Variants in GPR137C observed in about 807,000 individuals in gnomAD.
The protein encoded by GPR137C is integral membrane protein GPR137C.
Under a neutral mutation model 43.4 loss-of-function variants are expected in GPR137C, and 27 were observed. The observed-to-expected ratio is 0.62, with a 90% CI of 0.46 to 0.86. The LOEUF is 0.86. Ranked by LOEUF, GPR137C falls within the 40% of genes least tolerant of loss-of-function variation. The pLI is 0.00. For synonymous variants in GPR137C, 285 were observed against 226.9 expected, an observed-to-expected ratio of 1.26 and a Z score of -2.30; for missense variants, 522 against 534.6, an observed-to-expected ratio of 0.98 and a Z score of 0.23.
intron 3 of GPR137C, among the ~76,000 whole-genome samples, chr14:52,616,579 G>A (rs1483282366): frequency 6.6e-6 from 1 of 152,050 alleles, no homozygotes; most frequent in Non-Finnish European, 1.5e-5. Flanking sequence ...CAGGCGTGAG[G>A]CACTGCCCCC....
intron 2 of GPR137C, among the ~76,000 whole-genome samples, chr14:52,599,660 C>A (rs981706040): frequency 1.4e-4 from 21 of 152,142 alleles, no homozygotes; most frequent in Admixed American, 4.6e-4. Context: ...TCTCGAACTC[C>A]TGGCCTCAAG....
intron 2 of GPR137C, among the ~76,000 whole-genome samples, chr14:52,598,635 T>C (rs894139365): frequency 1.3e-5 from 2 of 152,198 alleles, no homozygotes; most frequent in African/African-American, 4.8e-5. Flanking sequence ...AGTTAGATTA[T>C]GCTGTTTGGA....
At chr14:52,597,003 T>C (rs970309864) in intron 1 of GPR137C, 1 of 455,176 alleles carries the variant, frequency 2.2e-6, no homozygotes, top group Non-Finnish European at 4.4e-6. Flanking sequence ...AACAATGCAT[T>C]TCTCAGAACA....
intron 3 of GPR137C, among the ~76,000 whole-genome samples, chr14:52,616,450 C>T (rs979680183): frequency 3.3e-5 from 5 of 152,086 alleles, no homozygotes; most frequent in East Asian, 1.9e-4. Context: ...TGAGCCACCA[C>T]GCCCAGGCTA....
At chr14:52,592,429 G>C (rs1341873323) in intron 1 of GPR137C, among the ~76,000 whole-genome samples, 1 of 152,098 alleles carries the variant, frequency 6.6e-6, no homozygotes, top group Admixed American at 6.6e-5. Context: ...GGCAGTATGG[G>C]CATTTTCATG....
intron 1 of GPR137C, among the ~76,000 whole-genome samples, chr14:52,596,681 G>A (rs539502002): frequency 1.3e-4 from 20 of 152,358 alleles, no homozygotes; most frequent in South Asian, 2.1e-4. Context: ...TGTGGGAAAA[G>A]TGCAGTATTT....
intron 1 of GPR137C, among the ~76,000 whole-genome samples, chr14:52,578,319 T>A (rs1336887139): frequency 3.3e-5 from 5 of 152,202 alleles, no homozygotes; most frequent in Non-Finnish European, 7.3e-5. Context: ...ATGTTAGACC[T>A]TTTAAATGAA....
intron 1 of GPR137C, among the ~76,000 whole-genome samples, chr14:52,580,018 A>T (rs1487200029): frequency 2.0e-5 from 3 of 152,218 alleles, no homozygotes; most frequent in Non-Finnish European, 4.4e-5. Flanking sequence ...TCCAAATGCC[A>T]GCCACAGGCC....
intron 1 of GPR137C, among the ~76,000 whole-genome samples, chr14:52,557,279 G>A (rs943575302): frequency 1.3e-5 from 2 of 152,058 alleles, no homozygotes; most frequent in African/African-American, 4.8e-5. Context: ...AAAATATGGG[G>A]GTTAACTTTA....
intron 1 of GPR137C, among the ~76,000 whole-genome samples, chr14:52,564,455 C>T (rs1308933255): frequency 2.6e-5 from 4 of 152,020 alleles, no homozygotes; most frequent in Non-Finnish European, 5.9e-5. Flanking sequence ...CTCTACTTGC[C>T]ATATTCCTTC....
intron 1 of GPR137C, among the ~76,000 whole-genome samples, chr14:52,593,288 T>C (rs1157577281): frequency 6.6e-6 from 1 of 152,176 alleles, no homozygotes; most frequent in East Asian, 1.9e-4. Context: ...TGATCTAAAA[T>C]TTTCCTTTTT....
intron 3 of GPR137C, among the ~76,000 whole-genome samples, chr14:52,615,483 G>A (rs2039088645): frequency 1.2e-5 from 1 of 82,210 alleles, no homozygotes; most frequent in Non-Finnish European, 2.9e-5. Flanking sequence ...TTTTTTTTTG[G>A]TCATTTCTGT....
At chr14:52,629,183 G>A (rs912411520) in intron 3 of GPR137C, among the ~76,000 whole-genome samples, 1 of 152,176 alleles carries the variant, frequency 6.6e-6, no homozygotes, top group East Asian at 1.9e-4. Flanking sequence ...GTATAAAATT[G>A]TACATCCATT....
At chr14:52,627,640 A>G (rs2039243844) in intron 3 of GPR137C, among the ~76,000 whole-genome samples, 1 of 151,996 alleles carries the variant, frequency 6.6e-6, no homozygotes, top group Admixed American at 6.6e-5. Context: ...AGGTCAGGAG[A>G]TGAGACCATC....
intron 3 of GPR137C, among the ~76,000 whole-genome samples, chr14:52,628,477 T>C (rs1354811134): frequency 6.6e-6 from 1 of 152,154 alleles, no homozygotes; most frequent in Non-Finnish European, 1.5e-5. Context: ...AATAAGTTGA[T>C]AAATTAGAAA....
intron 1 of GPR137C, among the ~76,000 whole-genome samples, chr14:52,580,867 C>T (rs900532363): frequency 6.9e-6 from 1 of 144,598 alleles, no homozygotes. Flanking sequence ...ATATATATTT[C>T]TTAGTAGATA....
intron 3 of GPR137C, among the ~76,000 whole-genome samples, chr14:52,608,474 G>T (rs950318506): frequency 6.6e-5 from 10 of 152,164 alleles, no homozygotes; most frequent in African/African-American, 1.9e-4. Flanking sequence ...GTAAATTGTA[G>T]TCATTATTTT....
At chr14:52,592,876 G>A (rs934261549) in intron 1 of GPR137C, among the ~76,000 whole-genome samples, 2 of 152,144 alleles carry the variant, frequency 1.3e-5, no homozygotes, top group Non-Finnish European at 2.9e-5. Flanking sequence ...TGTTGAATAG[G>A]AGTGGTGAGA....
intron 1 of GPR137C, among the ~76,000 whole-genome samples, chr14:52,582,807 A>G (rs1443184702): frequency 6.6e-6 from 1 of 150,734 alleles, no homozygotes; most frequent in Non-Finnish European, 1.5e-5. Flanking sequence ...AAATAAATAA[A>G]TAATTAAAAA....
Sources: allele counts gnomAD v4.1 joint callset (sites outside exome capture counted in the v4.1 genomes callset), GRCh38; gene constraint gnomAD v4.1.1; transcripts MANE v1.5; gene names NCBI Gene and HGNC (gene_info 2026-07-23, HGNC 2026-07-21).